Variants in TMPRSS11F observed in about 807,000 individuals in gnomAD.
TMPRSS11F encodes the protein transmembrane protease serine 11F.
TMPRSS11F carries 47 observed loss-of-function variants against 60.2 expected under a neutral mutation model. The ratio of observed to expected loss-of-function variants is 0.78; its 90% CI spans 0.62 to 1.00. The LOEUF (loss-of-function observed/expected upper bound fraction) is 1.00. Among genes scored for constraint, TMPRSS11F ranks in the 50% least tolerant of loss-of-function variants. TMPRSS11F has a pLI of 0.00. For synonymous variants in TMPRSS11F, 166 were observed against 167.3 expected (o/e 0.99, Z 0.06); for missense variants, 519 against 522.9 (o/e 0.99, Z 0.07).
intron 7 of TMPRSS11F, among the ~76,000 whole-genome samples, chr4:68,067,825 A>G (rs1723362916): frequency 6.6e-6 from 1 of 152,230 alleles, no homozygotes; most frequent in Non-Finnish European, 1.5e-5. Context: ...TGCAGGGTGC[A>G]GAAGTAGTGC....
intron 3 of TMPRSS11F, among the ~76,000 whole-genome samples, chr4:68,076,010 A>C (rs943728525): frequency 1.3e-4 from 19 of 151,988 alleles, no homozygotes; most frequent in African/African-American, 4.6e-4. Context: ...AGAAAAAAAA[A>C]AAAGAATAAA....
chr4:68,075,736 T>C (rs751008577), intron 3 of TMPRSS11F, among the ~76,000 whole-genome samples: 1 of 152,154 alleles, frequency 6.6e-6, no homozygotes, highest in African/African-American at 2.4e-5. Context: ...GGCTCACACC[T>C]GTAATCCCAG....
rs1180054058 is a variant in TMPRSS11F, at chr4:68,054,022, A to G, written c.1204T>C (p.Tyr402His). The change falls in exon 10 of 10, where the codon TAC becomes CAC. Residue 402 changes from tyrosine to histidine, a missense_variant. Physicochemically the swap from Tyr to His is moderately conservative, Grantham distance 83 (BLOSUM62 2). Transcript: ENST00000356291. Reference protein sequence around the residue: ...PLVYDNHDIWYIVGIVSWGQS... With the variant: ...PLVYDNHDIWHIVGIVSWGQS... ...CCCCAACTTACTATACCTACAATGT[A>G]CCAGATGTCATGATTATCATAAACC... The G allele has an allele frequency of 2.3e-5, 37 of 1,613,320 alleles. No individual in the cohort carries two copies. The highest frequency in any genetic ancestry group is 4.0e-5 in the African/African-American group (3 of 74,888).
chr4:68,099,650 T>G (rs1001850481), intron 1 of TMPRSS11F, among the ~76,000 whole-genome samples: 1 of 152,192 alleles, frequency 6.6e-6, no homozygotes, highest in Non-Finnish European at 1.5e-5. Context: ...TCAAATAAGA[T>G]TCAATATTGT....
intron 2 of TMPRSS11F, among the ~76,000 whole-genome samples, chr4:68,098,534 C>A (rs1047846725): frequency 1.3e-5 from 2 of 152,062 alleles, no homozygotes; most frequent in Non-Finnish European, 2.9e-5. Flanking sequence ...TTCTTATATC[C>A]TGAGCTTTTC....
chr4:68,069,935 A>G, intron 6 of TMPRSS11F, 34 bp downstream of exon 6: 1 of 1,557,774 alleles, frequency 6.4e-7, no homozygotes, highest in Non-Finnish European at 8.7e-7. Flanking sequence ...TTTTACTGTG[A>G]AATAAACAGT....
intron 2 of TMPRSS11F, among the ~76,000 whole-genome samples, chr4:68,096,127 A>G (rs1042655554): frequency 6.8e-6 from 1 of 146,398 alleles, no homozygotes; most frequent in African/African-American, 2.5e-5. Context: ...ATTTAAAAAA[A>G]AAACCAGACT....
chr4:68,120,325 T>G (rs552135343), intron 1 of TMPRSS11F, among the ~76,000 whole-genome samples: 2 of 151,954 alleles, frequency 1.3e-5, no homozygotes, highest in South Asian at 4.2e-4. Flanking sequence ...TTGAAAAAAG[T>G]TCTGCTCTGA....
intron 1 of TMPRSS11F, among the ~76,000 whole-genome samples, chr4:68,123,657 C>T (rs1369827430): frequency 2.6e-5 from 4 of 152,034 alleles, no homozygotes; most frequent in East Asian, 3.9e-4. Context: ...CAAAGCAAGA[C>T]GATTATGGAA....
At chr4:68,092,278 T>C (rs1293846816) in intron 2 of TMPRSS11F, among the ~76,000 whole-genome samples, 3 of 152,106 alleles carry the variant, frequency 2.0e-5, no homozygotes, top group Non-Finnish European at 4.4e-5. Context: ...AGGATGAAAA[T>C]CTGTAAGTGT....
chr4:68,074,517 T>C (rs1004899573), intron 3 of TMPRSS11F, among the ~76,000 whole-genome samples: 3 of 152,344 alleles, frequency 2.0e-5, no homozygotes, highest in Non-Finnish European at 1.5e-5. Flanking sequence ...TAGAATTTGT[T>C]GATTTCTTAA....
At chr4:68,123,854 T>C (rs1724666721) in intron 1 of TMPRSS11F, among the ~76,000 whole-genome samples, 1 of 152,152 alleles carries the variant, frequency 6.6e-6, no homozygotes, top group Non-Finnish European at 1.5e-5. Context: ...AGTCTATACA[T>C]ATGACTGAAA....
chr4:68,091,773 CTCTCTCTCTCTATCTA>C (rs71218931), intron 2 of TMPRSS11F, among the ~76,000 whole-genome samples: 31,411 of 142,468 alleles, frequency 0.22, 3,760 homozygotes, highest in Admixed American at 0.37. Context: ...CTCTCTCTCT[CTCTCTCTCTCTATCTA>C]TCTATCTATC....
chr4:68,096,387 C>A (rs1306435437), intron 2 of TMPRSS11F, among the ~76,000 whole-genome samples: 1 of 152,138 alleles, frequency 6.6e-6, no homozygotes, highest in Non-Finnish European at 1.5e-5. Flanking sequence ...TTCTATCAAG[C>A]ATTTAATAGT....
chr4:68,088,401 G>C (rs887756635), intron 3 of TMPRSS11F, among the ~76,000 whole-genome samples: 1 of 150,354 alleles, frequency 6.7e-6, no homozygotes, highest in Non-Finnish European at 1.5e-5. Context: ...AGCAAGTCCT[G>C]AGTGACCTAC....
At chr4:68,113,293 A>G (rs1262691872) in intron 1 of TMPRSS11F, among the ~76,000 whole-genome samples, 1 of 152,138 alleles carries the variant, frequency 6.6e-6, no homozygotes, top group Non-Finnish European at 1.5e-5. Flanking sequence ...TTTGTGTCCT[A>G]GTGTTCTGTG....
At chr4:68,113,391 G>A (rs980463068) in intron 1 of TMPRSS11F, among the ~76,000 whole-genome samples, 3 of 146,506 alleles carry the variant, frequency 2.0e-5, no homozygotes, top group Non-Finnish European at 4.5e-5. Flanking sequence ...TTTTCTTGAC[G>A]GCCTACTGTA....
chr4:68,062,043 G>C (rs2109832002), intron 8 of TMPRSS11F: 2 of 452,116 alleles, frequency 4.4e-6, no homozygotes, highest in Non-Finnish European at 8.8e-6. Context: ...TTTTCAATGT[G>C]ACTGAAACCC....
At chr4:68,071,233 G>A (rs1004566172) in intron 5 of TMPRSS11F, among the ~76,000 whole-genome samples, 7 of 152,074 alleles carry the variant, frequency 4.6e-5, no homozygotes, top group Admixed American at 6.5e-5. Flanking sequence ...GGTGGATACC[G>A]TACTCTCCCT....
Sources: gnomAD v4.1 joint callset for allele counts (sites outside exome capture counted in the v4.1 genomes callset) on GRCh38, gnomAD v4.1.1 for gene constraint, MANE v1.5 for transcripts, NCBI Gene and HGNC (gene_info 2026-07-23, HGNC 2026-07-21) for gene names.